Variants in BCL2L14 observed in about 807,000 individuals in gnomAD.
BCL2L14 encodes the protein BCL2 like 14, also known as apoptosis facilitator Bcl-2-like protein 14.
A neutral mutation model predicts 35.3 loss-of-function variants in BCL2L14; 27 were observed. The ratio of observed to expected loss-of-function variants is 0.76; its 90% CI spans 0.56 to 1.05. The LOEUF is 1.05. Among genes scored for constraint, BCL2L14 ranks in the 50% least tolerant of loss-of-function variants. BCL2L14 has a pLI of 0.00. For missense variants in BCL2L14, 377 were observed against 382.6 expected (o/e 0.99, Z 0.12); for synonymous variants, 139 against 145.9 (o/e 0.95, Z 0.34).
chr12:12,058,425 T>C (rs1362256126), intron 2 of BCL2L14, among the ~76,000 whole-genome samples: 1 of 152,090 alleles, frequency 6.6e-6, no homozygotes, highest in Non-Finnish European at 1.5e-5. Flanking sequence ...TAATTTTGTA[T>C]ATTTAGTAGA....
At chr12:12,050,432 C>CAAAAAAAAAAAAAAA (rs774928633) in intron 1 of BCL2L14, among the ~76,000 whole-genome samples, 1 of 70,108 alleles carries the variant, frequency 1.4e-5, no homozygotes, top group African/African-American at 4.4e-5. Flanking sequence ...GACACCATCT[C>CAAAAAAAAAAAAAAA]AAAAAAAAAA....
At chr12:12,058,137 C>T (rs11054650) in intron 2 of BCL2L14, among the ~76,000 whole-genome samples, 15,601 of 151,308 alleles carry the variant, frequency 0.1, 986 homozygotes, top group African/African-American at 0.17. Context: ...TTTTTAGTAG[C>T]GACGAGGTTT....
intron 1 of BCL2L14, among the ~76,000 whole-genome samples, chr12:12,073,917 T>C (rs1249854717): frequency 6.6e-6 from 1 of 152,134 alleles, no homozygotes; most frequent in Non-Finnish European, 1.5e-5. Flanking sequence ...CTCACCCTGC[T>C]TGGTGGCCCG....
At chr12:12,077,167 C>G (rs1173440946) in intron 1 of BCL2L14, among the ~76,000 whole-genome samples, 1 of 152,116 alleles carries the variant, frequency 6.6e-6, no homozygotes, top group Admixed American at 6.6e-5. Flanking sequence ...GCTTCTTTAT[C>G]ATCACAGCAG....
At chr12:12,059,651 C>T (rs750834539) in intron 2 of BCL2L14, among the ~76,000 whole-genome samples, 11 of 151,998 alleles carry the variant, frequency 7.2e-5, no homozygotes, top group South Asian at 4.2e-4. Flanking sequence ...TTTCTCTGGG[C>T]TTGCCTCCTT....
chr12:12,083,082 A>G, intron 2 of BCL2L14, among the ~76,000 whole-genome samples: 1 of 152,082 alleles, frequency 6.6e-6, no homozygotes, highest in Non-Finnish European at 1.5e-5. Flanking sequence ...CTCCTGCCTC[A>G]GCCTCCCGAG....
At chr12:12,054,257 C>T (rs1365238752) in intron 2 of BCL2L14, among the ~76,000 whole-genome samples, 1 of 152,180 alleles carries the variant, frequency 6.6e-6, no homozygotes, top group Non-Finnish European at 1.5e-5. Flanking sequence ...AATCCCAGCT[C>T]TTTGGAAGGC....
Position 12,079,367 on chromosome 12 carries a change from C to T in BCL2L14, c.62C>T (p.Thr21Ile). The T allele has an allele frequency of 6.2e-7, 1 of 1,614,152 alleles. No homozygotes were observed. The highest frequency in any genetic ancestry group is 8.5e-7 in the Non-Finnish European group (1 of 1,180,030). The change falls in exon 2 of 6, where the codon ACC becomes ATC. Residue 21 changes from threonine (T) to isoleucine (I), a missense_variant. Physicochemically the swap from Thr to Ile is moderately conservative, Grantham distance 89 (BLOSUM62 -1). Transcript: ENST00000308721. ...EIPLDDDDLN[T>I]IEFKILAYYT... ...CCCCTAGATGATGATGACCTAAACACCATAGAATTCAAAATCCTCGCCTAC... is the reference window on the plus strand; with the variant it reads ...CCCCTAGATGATGATGACCTAAACATCATAGAATTCAAAATCCTCGCCTAC...
intron 2 of BCL2L14, among the ~76,000 whole-genome samples, chr12:12,060,192 A>G (rs60708696): frequency 0.85 from 127,028 of 150,116 alleles, 53,844 homozygotes; most frequent in East Asian, 1. Context: ...GTTTCGTTCC[A>G]TGACTAGCCC....
At chr12:12,069,504 C>T (rs1948633714), upstream of BCL2L14, among the ~76,000 whole-genome samples, 1 of 151,540 alleles carries the variant, frequency 6.6e-6, no homozygotes, top group South Asian at 2.1e-4. Flanking sequence ...TCGAGGCCAT[C>T]CTGGCTAACA....
intron 2 of BCL2L14, among the ~76,000 whole-genome samples, chr12:12,084,593 C>A (rs573365473): frequency 6.6e-6 from 1 of 152,274 alleles, no homozygotes; most frequent in South Asian, 2.1e-4. Flanking sequence ...AACAGACAGC[C>A]TTTCTGTCTT....
chr12:12,067,046 T>TATTTG (rs1948602564), upstream of BCL2L14, among the ~76,000 whole-genome samples: 2 of 151,226 alleles, frequency 1.3e-5, no homozygotes, highest in South Asian at 4.2e-4. Flanking sequence ...GCTGGCTGAT[T>TATTTG]ATTTGATTTG....
chr12:12,050,365 G>A (rs558088873), intron 1 of BCL2L14, among the ~76,000 whole-genome samples: 2 of 150,664 alleles, frequency 1.3e-5, no homozygotes, highest in South Asian at 4.3e-4. Flanking sequence ...CCCGAGAGGC[G>A]GAGCTTGCAG....
At chr12:12,068,556 C>A (rs1364078955), upstream of BCL2L14, among the ~76,000 whole-genome samples, 1 of 152,036 alleles carries the variant, frequency 6.6e-6, no homozygotes, top group African/African-American at 2.4e-5. Context: ...GCATGTGCCA[C>A]CATGCTATGT....
At chr12:12,081,551 A>ATTT (rs35006788) in intron 2 of BCL2L14, among the ~76,000 whole-genome samples, 1 of 140,522 alleles carries the variant, frequency 7.1e-6, no homozygotes, top group Non-Finnish European at 1.5e-5. Context: ...CAAAGCCCAG[A>ATTT]TTTTTTTTTT....
chr12:12,061,771 A>C (rs1390027653), intron 2 of BCL2L14, among the ~76,000 whole-genome samples: 2 of 152,158 alleles, frequency 1.3e-5, no homozygotes, highest in African/African-American at 2.4e-5. Context: ...GACAGCCCCC[A>C]TTACTTCAGT....
chr12:12,077,033 T>C (rs1429388208), intron 1 of BCL2L14, among the ~76,000 whole-genome samples: 1 of 152,274 alleles, frequency 6.6e-6, no homozygotes, highest in Non-Finnish European at 1.5e-5. Context: ...CTGTACCACC[T>C]CACATTGCCT....
intron 2 of BCL2L14, among the ~76,000 whole-genome samples, chr12:12,052,129 A>G (rs953616739): frequency 2.0e-5 from 3 of 152,072 alleles, no homozygotes; most frequent in Non-Finnish European, 4.4e-5. Flanking sequence ...GTAATAATAC[A>G]TGTTTATGGA....
intron 5 of BCL2L14, among the ~76,000 whole-genome samples, chr12:12,098,155 C>A (rs372733435): frequency 6.6e-6 from 1 of 151,870 alleles, no homozygotes; most frequent in Admixed American, 6.6e-5. Context: ...AGTCCCTTAA[C>A]GGGAAAAAAA....
Sources: gnomAD v4.1 joint callset for allele counts (sites outside exome capture counted in the v4.1 genomes callset) on GRCh38, gnomAD v4.1.1 for gene constraint, MANE v1.5 for transcripts, NCBI Gene and HGNC (gene_info 2026-07-23, HGNC 2026-07-21) for gene names.